CCBE1: variants seen among roughly 807,000 people sequenced by gnomAD.
CCBE1 encodes collagen and calcium binding EGF domains 1.
In CCBE1, 37 loss-of-function variants were observed where a neutral mutation model predicts 50.0. That is an observed-to-expected ratio of 0.74 (90% CI 0.57 to 0.97). The LOEUF is 0.97. CCBE1 is among the 50% of genes least tolerant of loss of function. CCBE1 has a pLI of 0.00. For missense variants in CCBE1, 538 were observed against 523.8 expected, an observed-to-expected ratio of 1.03 and a Z score of -0.26; for synonymous variants, 234 against 203.7, an observed-to-expected ratio of 1.15 and a Z score of -1.27.
intron 2 of CCBE1, among the ~76,000 whole-genome samples, chr18:59,626,259 A>G (rs2053783387): frequency 6.6e-6 from 1 of 152,156 alleles, no homozygotes; most frequent in African/African-American, 2.4e-5. Context: ...TATTTATGGA[A>G]CCCCACAGTA....
At chr18:59,587,036 T>C (rs1310244159) in intron 2 of CCBE1, among the ~76,000 whole-genome samples, 1 of 152,204 alleles carries the variant, frequency 6.6e-6, no homozygotes, top group Non-Finnish European at 1.5e-5. Flanking sequence ...AAAGAATAGA[T>C]ATTCATTTCG....
At chr18:59,474,231 A>G (rs915743941) in intron 3 of CCBE1, among the ~76,000 whole-genome samples, 7 of 152,082 alleles carry the variant, frequency 4.6e-5, no homozygotes, top group Non-Finnish European at 1.0e-4. Context: ...GTAATGATCT[A>G]TTTTCCTTTG....
At chr18:59,647,507 G>A (rs1056006169) in intron 2 of CCBE1, among the ~76,000 whole-genome samples, 2 of 152,202 alleles carry the variant, frequency 1.3e-5, no homozygotes, top group Middle Eastern at 3.4e-3. Flanking sequence ...TTTGTAATCA[G>A]ACTTTGTAAT....
chr18:59,696,777 G>A (rs1336364859), intron 1 of CCBE1, 68 bp from the exon 2 acceptor site: 21 of 1,533,404 alleles, frequency 1.4e-5, no homozygotes, highest in African/African-American at 8.2e-5. Context: ...CGCGCGCTGG[G>A]GAATCCCTGG....
chr18:59,514,354 C>T (rs567206279), intron 2 of CCBE1, among the ~76,000 whole-genome samples: 2 of 152,262 alleles, frequency 1.3e-5, no homozygotes, highest in South Asian at 4.2e-4. Flanking sequence ...GCTCCTCCAT[C>T]CGCACGTGGC....
At chr18:59,552,559 C>T (rs1195005170) in intron 2 of CCBE1, among the ~76,000 whole-genome samples, 1 of 152,226 alleles carries the variant, frequency 6.6e-6, no homozygotes, top group East Asian at 1.9e-4. Flanking sequence ...TATCCATTTG[C>T]TGACTTAATC....
At chr18:59,458,749 C>A (rs1210062834) in intron 5 of CCBE1, among the ~76,000 whole-genome samples, 3 of 152,200 alleles carry the variant, frequency 2.0e-5, no homozygotes, top group African/African-American at 7.2e-5. Flanking sequence ...TGAGAGCTAT[C>A]TGTCGGCCAG....
chr18:59,613,766 G>A (rs2564476), intron 2 of CCBE1, among the ~76,000 whole-genome samples: 22,899 of 150,726 alleles, frequency 0.15, 2,499 homozygotes, highest in African/African-American at 0.31. Context: ...TATCAATATG[G>A]TTAGTTCTTA....
intron 2 of CCBE1, among the ~76,000 whole-genome samples, chr18:59,675,155 A>C (rs1013848327): frequency 1.3e-5 from 2 of 152,210 alleles, no homozygotes; most frequent in Admixed American, 6.5e-5. Flanking sequence ...TCAGCTGCCC[A>C]AAGTGTCACT....
chr18:59,433,935 T>C lies in CCBE1; in HGVS notation c.*1973A>G, dbSNP rs1297713371. The C allele has an allele frequency of 2.3e-5, 3 of 131,012 alleles. No individual in the cohort carries two copies. Among genetic ancestry groups the C allele is most frequent in the Non-Finnish European group, 4.7e-5 (3 of 63,712 alleles). The allele number at this position is 131,012 out of a possible 1,614,324, so 8.1% of individuals were successfully genotyped here. ...TTTTTTTAATGAGACAGAGTCTCCC[T>C]CTGTTGCCTAGGCTGGAGTGCAGTA... On this transcript the variant is annotated 3_prime_UTR_variant, in exon 11 of 11. Coordinates refer to ENST00000439986, the MANE Select transcript of CCBE1 (RefSeq NM_133459.4).
chr18:59,542,303 G>A (rs1026719383), intron 2 of CCBE1, among the ~76,000 whole-genome samples: 10 of 46,920 alleles, frequency 2.1e-4, no homozygotes, highest in African/African-American at 9.3e-4. Flanking sequence ...AATTTAAGGG[G>A]TATCCAGACA....
rs541018810 is a variant in CCBE1, at chr18:59,593,832, G to A, written c.212+102797C>T. On this transcript the variant is annotated intron_variant, in intron 2 of 10. Transcript: ENST00000439986. Reference sequence around the variant, plus strand: ...TGGGACATGAGTTGACAACCCATTGGTCACTGCAAGTAGCAGCCTCTGGAC... The same window carrying A: ...TGGGACATGAGTTGACAACCCATTGATCACTGCAAGTAGCAGCCTCTGGAC... Among the ~76,000 whole-genome samples the A allele has an allele frequency of 1.7e-3, 252 of 152,338 alleles. 1 individual carries two copies. The highest frequency in any genetic ancestry group is 6.9e-3 in the Admixed American group (106 of 15,304).
chr18:59,651,241 C>T (rs947241535), intron 2 of CCBE1, among the ~76,000 whole-genome samples: 1 of 152,170 alleles, frequency 6.6e-6, no homozygotes, highest in African/African-American at 2.4e-5. Flanking sequence ...GGAAGTGTTC[C>T]TTGGCACCAT....
At chr18:59,438,566 G>A (rs919416534) in intron 9 of CCBE1, among the ~76,000 whole-genome samples, 7 of 152,180 alleles carry the variant, frequency 4.6e-5, no homozygotes, top group African/African-American at 1.7e-4. Flanking sequence ...CACACAAAAA[G>A]CTATCCCGTA....
chr18:59,597,835 AAC>A (rs2053376255), intron 2 of CCBE1, among the ~76,000 whole-genome samples: 1 of 152,196 alleles, frequency 6.6e-6, no homozygotes, highest in Non-Finnish European at 1.5e-5. Flanking sequence ...GAAACCATTG[AAC>A]ACAGTTACCT....
chr18:59,656,349 C>T (rs752213559), intron 2 of CCBE1, among the ~76,000 whole-genome samples: 3 of 152,170 alleles, frequency 2.0e-5, no homozygotes, highest in African/African-American at 4.8e-5. Flanking sequence ...CCCTATAAAA[C>T]ATTCATGTTT....
chr18:59,526,949 A>AAGT (rs200401985), intron 2 of CCBE1, among the ~76,000 whole-genome samples: 2,414 of 152,318 alleles, frequency 0.016, 62 homozygotes, highest in African/African-American at 0.053. Context: ...ATTTTAGAAT[A>AAGT]AGTACCAAGT....
intron 2 of CCBE1, among the ~76,000 whole-genome samples, chr18:59,524,840 T>C (rs957066714): frequency 3.9e-5 from 6 of 152,194 alleles, no homozygotes; most frequent in Admixed American, 1.3e-4. Flanking sequence ...AGTGAGAACA[T>C]GTGGTGTTTG....
chr18:59,501,777 GAAC>G (rs1382334678), intron 2 of CCBE1, among the ~76,000 whole-genome samples: 1 of 152,186 alleles, frequency 6.6e-6, no homozygotes, highest in African/African-American at 2.4e-5. Context: ...GCAAACCACA[GAAC>G]AACTAAGTCA....
Sources: gnomAD v4.1 joint callset for allele counts (sites outside exome capture counted in the v4.1 genomes callset) on GRCh38, gnomAD v4.1.1 for gene constraint, MANE v1.5 for transcripts, NCBI Gene and HGNC (gene_info 2026-07-23, HGNC 2026-07-21) for gene names.